UNC13C: variants seen among roughly 807,000 people sequenced by gnomAD.
The protein encoded by UNC13C is protein unc-13 homolog C.
A neutral mutation model predicts 245.4 loss-of-function variants in UNC13C; 174 were observed. The ratio of observed to expected loss-of-function variants is 0.71; its 90% confidence interval spans 0.63 to 0.80. The LOEUF (loss-of-function observed/expected upper bound fraction) is 0.80. Ranked by LOEUF, UNC13C falls within the 30% of genes least tolerant of loss-of-function variation. The pLI is 0.00. For synonymous variants in UNC13C, 992 were observed against 895.1 expected (o/e 1.11, Z -1.93); for missense variants, 2,829 against 2,602.9 (o/e 1.09, Z -1.89).
At chr15:53,853,931 C>G in the UNC13C span, among the ~76,000 whole-genome samples, 8 of 152,138 alleles carry the variant, frequency 5.3e-5, no homozygotes, top group African/African-American at 1.9e-4. Context: ...AAATGTTCTC[C>G]CATTCTGTAA....
chr15:53,850,406 C>T, the UNC13C span, among the ~76,000 whole-genome samples: 13 of 152,092 alleles, frequency 8.5e-5, no homozygotes, highest in East Asian at 1.9e-4. Context: ...CAGAGCAAGA[C>T]GCTGTCTCTA....
intron 2 of UNC13C, among the ~76,000 whole-genome samples, chr15:54,131,864 A>T (rs16974125): frequency 6.6e-6 from 1 of 151,742 alleles, no homozygotes; most frequent in African/African-American, 2.4e-5. Flanking sequence ...TCAAGCTTCA[A>T]TGCCTTTTGA....
chr15:54,483,808 G>A (rs895306647), intron 19 of UNC13C, among the ~76,000 whole-genome samples: 4 of 152,154 alleles, frequency 2.6e-5, no homozygotes, highest in Non-Finnish European at 5.9e-5. Context: ...AGGATGTTAA[G>A]GTTATTTTAA....
At chr15:54,429,646 G>T (rs570999834) in intron 19 of UNC13C, among the ~76,000 whole-genome samples, 20 of 151,574 alleles carry the variant, frequency 1.3e-4, no homozygotes, top group South Asian at 6.2e-4. Context: ...ATTTTAATCA[G>T]ATTTTTTCCT....
At chr15:53,932,351 T>A in the UNC13C span, among the ~76,000 whole-genome samples, 1 of 151,684 alleles carries the variant, frequency 6.6e-6, no homozygotes, top group Non-Finnish European at 1.5e-5. Flanking sequence ...CAAACAGTGC[T>A]GACCTCAGGT....
At chr15:54,222,516 T>G (rs780631877) in intron 4 of UNC13C, among the ~76,000 whole-genome samples, 3 of 152,074 alleles carry the variant, frequency 2.0e-5, no homozygotes, top group Middle Eastern at 3.2e-3. Context: ...AGGTTGCTCC[T>G]AAGTCTTGGC....
chr15:54,556,121 C>T (rs1009054345), intron 29 of UNC13C, among the ~76,000 whole-genome samples: 2 of 151,946 alleles, frequency 1.3e-5, no homozygotes, highest in African/African-American at 4.8e-5. Context: ...CAAATAATTT[C>T]TTTTATATTT....
At chr15:54,408,620 A>C (rs2040355923) in intron 18 of UNC13C, among the ~76,000 whole-genome samples, 1 of 151,954 alleles carries the variant, frequency 6.6e-6, no homozygotes, top group East Asian at 1.9e-4. Flanking sequence ...TATGAAGTAG[A>C]AAATAAGAGT....
intron 19 of UNC13C, among the ~76,000 whole-genome samples, chr15:54,440,068 G>T (rs1890432782): frequency 6.6e-6 from 1 of 151,790 alleles, no homozygotes; most frequent in Non-Finnish European, 1.5e-5. Context: ...GGACGTTATT[G>T]GGTCATGGGG....
intron 30 of UNC13C, among the ~76,000 whole-genome samples, chr15:54,579,885 A>T (rs1312232247): frequency 1.3e-5 from 2 of 152,230 alleles, no homozygotes; most frequent in Non-Finnish European, 2.9e-5. Context: ...TTAAGTGCCG[A>T]GTTAATGATA....
chr15:54,283,969 A>G (rs1282791762), intron 10 of UNC13C, among the ~76,000 whole-genome samples: 1 of 152,186 alleles, frequency 6.6e-6, no homozygotes, highest in Non-Finnish European at 1.5e-5. Context: ...TAATACTGTG[A>G]ATCACAGATC....
intron 11 of UNC13C, among the ~76,000 whole-genome samples, chr15:54,297,145 C>A (rs1207010486): frequency 6.6e-6 from 1 of 152,052 alleles, no homozygotes; most frequent in African/African-American, 2.4e-5. Flanking sequence ...AAAATAATTT[C>A]CTATTTATAC....
At chr15:54,081,424 T>C (rs1461641428) in intron 2 of UNC13C, among the ~76,000 whole-genome samples, 2 of 152,150 alleles carry the variant, frequency 1.3e-5, no homozygotes, top group African/African-American at 4.8e-5. Flanking sequence ...GCTGTCTGCC[T>C]CTTTTCTTAG....
At position 54,407,616 on chromosome 15, in the gene UNC13C, C is replaced by T. The variant is rs182482408; in HGVS notation, c.4848-7366C>T. On this transcript the variant is annotated intron_variant, in intron 18 of 32. Coordinates refer to ENST00000260323, the MANE Select transcript of UNC13C (RefSeq NM_001080534.3). ...TCTATTATCTCTATAGGTAATAGCA[C>T]AACCAAAATTGAAACCAGTGTATCA... 5.3e-5 allele frequency among the ~76,000 whole-genome samples: 8 copies of T among 152,074 alleles called. No individual in the cohort carries two copies. The East Asian group carries it at 1.6e-3, about 29-fold the overall frequency.
At chr15:54,069,543 A>T (rs963366600) in intron 2 of UNC13C, among the ~76,000 whole-genome samples, 3 of 152,212 alleles carry the variant, frequency 2.0e-5, no homozygotes, top group African/African-American at 7.2e-5. Flanking sequence ...ATTGAAAATT[A>T]TTCATGGCTC....
At chr15:53,946,451 GTT>G in the UNC13C span, among the ~76,000 whole-genome samples, 15,681 of 110,346 alleles carry the variant, frequency 0.14, 1,132 homozygotes, top group East Asian at 0.43. Context: ...TCTTTTTTTT[GTT>G]TTTTTTTTTT....
intron 19 of UNC13C, among the ~76,000 whole-genome samples, chr15:54,486,767 TTC>T (rs1177610054): frequency 1.3e-5 from 2 of 152,228 alleles, no homozygotes; most frequent in Admixed American, 6.5e-5. Context: ...TTCCATCCCA[TTC>T]TTTTTCTTTA....
chr15:54,198,835 A>G (rs577230765), intron 4 of UNC13C, among the ~76,000 whole-genome samples: 123 of 152,242 alleles, frequency 8.1e-4, no homozygotes, highest in African/African-American at 2.7e-3. Flanking sequence ...TAAGCAGTTC[A>G]CCTGTAATGG....
intron 2 of UNC13C, among the ~76,000 whole-genome samples, chr15:54,042,014 T>G (rs536719713): frequency 6.6e-6 from 1 of 152,318 alleles, no homozygotes; most frequent in South Asian, 2.1e-4. Flanking sequence ...AGGTTGAGCA[T>G]TCCTAATCTG....
Sources: gnomAD v4.1 joint callset for allele counts (sites outside exome capture counted in the v4.1 genomes callset) on GRCh38, gnomAD v4.1.1 for gene constraint, MANE v1.5 for transcripts, NCBI Gene and HGNC (gene_info 2026-07-23, HGNC 2026-07-21) for gene names.